COL4A5: variants seen among roughly 807,000 people sequenced by gnomAD.
COL4A5 encodes collagen alpha-5(IV) chain.
In COL4A5, 26 loss-of-function variants were observed where a neutral mutation model predicts 130.2. The ratio of observed to expected loss-of-function variants is 0.20; its 90% CI spans 0.15 to 0.28. COL4A5 has a LOEUF of 0.28. Ranked by LOEUF, COL4A5 falls within the 10% of genes least tolerant of loss-of-function variation. COL4A5 has a pLI of 1.00. For missense variants in COL4A5, 1,131 were observed against 1,344.3 expected, an observed-to-expected ratio of 0.84 and a Z score of 2.48; for synonymous variants, 496 against 439.6, an observed-to-expected ratio of 1.13 and a Z score of -1.60.
intron 6 of COL4A5, 183 bp downstream of exon 6, chrX:108,569,004 G>T (rs755372293): frequency 6.5e-4 from 276 of 425,023 alleles, no homozygotes; most frequent in African/African-American, 6.3e-3. Context: ...CATTAAACAT[G>T]TATAATTAGC....
At chrX:108,626,881 A>G in intron 36 of COL4A5, 1 of 767,341 alleles carries the variant, frequency 1.3e-6, no homozygotes, top group South Asian at 6.3e-5. Context: ...ATTGGACTCA[A>G]CAGGAATTTA....
intron 1 of COL4A5, among the ~76,000 whole-genome samples, chrX:108,481,617 C>A (rs2064893195): frequency 8.9e-6 from 1 of 111,850 alleles, no homozygotes; most frequent in Admixed American, 9.4e-5. Context: ...ATGCTGATTG[C>A]TGCTTCGCTT....
chrX:108,682,034 C>T, intron 47 of COL4A5, 146 bp downstream of exon 47: 1 of 563,703 alleles, frequency 1.8e-6, no homozygotes, highest in Non-Finnish European at 2.9e-6. Context: ...TTAGATATTT[C>T]TCCTAATGCT....
At chrX:108,578,264 C>T in intron 12 of COL4A5, 27 bp from the exon 13 acceptor site, 1 of 1,174,774 alleles carries the variant, frequency 8.5e-7, no homozygotes. Context: ...GAAGTATCAC[C>T]ACTGTCTTAT....
intron 1 of COL4A5, among the ~76,000 whole-genome samples, chrX:108,468,106 A>G (rs2064726286): frequency 8.9e-6 from 1 of 111,782 alleles, no homozygotes; most frequent in South Asian, 3.7e-4. Context: ...ATTTTATACT[A>G]TATTTTAAAT....
At chrX:108,584,627 A>C in intron 18 of COL4A5, 102 bp downstream of exon 18, 1 of 697,726 alleles carries the variant, frequency 1.4e-6, no homozygotes, top group Non-Finnish European at 2.2e-6. Flanking sequence ...TAGAACACAA[A>C]ATTTCAAGTC....
At chrX:108,689,973 C>A in intron 49 of COL4A5, 2 of 752,740 alleles carry the variant, frequency 2.7e-6, no homozygotes, top group Non-Finnish European at 3.1e-6. Flanking sequence ...ACTCCAGATA[C>A]TTCCATCATT....
intron 1 of COL4A5, among the ~76,000 whole-genome samples, chrX:108,475,806 T>C (rs2064827191): frequency 8.9e-6 from 1 of 111,915 alleles, no homozygotes; most frequent in African/African-American, 3.2e-5. Context: ...ATAGTCTTGA[T>C]CCAACCTTAG....
chrX:108,680,940 A>G lies in COL4A5; in HGVS notation c.4071A>G (p.Gly1357=), dbSNP rs766806328. The G allele has an allele frequency of 8.3e-7, 1 of 1,207,987 alleles. No homozygotes were observed. Among genetic ancestry groups the G allele is most frequent in the East Asian group, 3.0e-5 (1 of 33,787 alleles). Residue 1357 remains glycine (G), a synonymous_variant, in exon 46 of 53, where the codon GGA becomes GGG. Coordinates refer to ENST00000328300, the MANE Select transcript of COL4A5 (RefSeq NM_033380.3). ...CAGCTGGCCCTGAGGGGGAACCGGGACTTATTGGTCCTCCAGGTAAGACTT... is the reference window on the plus strand; with the variant it reads ...CAGCTGGCCCTGAGGGGGAACCGGGGCTTATTGGTCCTCCAGGTAAGACTT... The part of the protein sequence containing the change: ...PGSAGPEGEP[G]LIGPPGPPGL...
intron 1 of COL4A5, among the ~76,000 whole-genome samples, chrX:108,451,014 T>G (rs1395576025): frequency 7.2e-5 from 7 of 97,477 alleles, no homozygotes; most frequent in African/African-American, 2.7e-4. Flanking sequence ...CCCTCAACAG[T>G]CCCCAGAGTG....
intron 16 of COL4A5, 66 bp from the exon 17 acceptor site, chrX:108,582,818 C>A: frequency 1.1e-6 from 1 of 909,800 alleles, no homozygotes; most frequent in Non-Finnish European, 1.6e-6. Context: ...ATGGAGAAGA[C>A]AATCTTTGGA....
In COL4A5 at chrX:108,681,085, G is replaced by A. The variant is rs1432092279; in HGVS notation, c.4087+129G>A. ...CCAACAACTGAGGCAAAATAAACAAGGCTCTGCCTTTATTTACTAATCTCT... is the reference window on the plus strand; with the variant it reads ...CCAACAACTGAGGCAAAATAAACAAAGCTCTGCCTTTATTTACTAATCTCT... On this transcript the variant is annotated intron_variant, in intron 46 of 52. Transcript: ENST00000328300. 1.1e-5 allele frequency: 6 copies of A among 530,388 alleles called. No individual in the cohort carries two copies. In the East Asian group the frequency reaches 1.8e-4, roughly 16 times the overall value. 43.7% of individuals were successfully genotyped at this position (530,388 alleles called of 1,213,427 possible). A position where few individuals can be genotyped will look rare whatever the true frequency, so the allele number is the denominator to read the frequency against.
intron 27 of COL4A5, 25 bp from the exon 28 acceptor site, chrX:108,602,939 T>TA (rs1386688866): frequency 1.9e-6 from 2 of 1,074,998 alleles, no homozygotes; most frequent in Non-Finnish European, 2.5e-6. Context: ...CTTTGGTGGT[T>TA]AAAAAATGAC....
At chrX:108,663,415 A>C (rs1330178673) in intron 37 of COL4A5, among the ~76,000 whole-genome samples, 1 of 112,064 alleles carries the variant, frequency 8.9e-6, no homozygotes, top group African/African-American at 3.2e-5. Flanking sequence ...GATAGATCAT[A>C]CTTATGGAAT....
At chrX:108,545,960 G>T (rs954131092) in intron 2 of COL4A5, among the ~76,000 whole-genome samples, 14 of 111,023 alleles carry the variant, frequency 1.3e-4, no homozygotes, top group African/African-American at 4.6e-4. Context: ...CCATTTGCTT[G>T]GAAGATCTTC....
intron 1 of COL4A5, among the ~76,000 whole-genome samples, chrX:108,473,605 A>G (rs1249721399): frequency 2.2e-5 from 1 of 46,337 alleles, no homozygotes; most frequent in Admixed American, 1.8e-4. Flanking sequence ...TTATATATAT[A>G]TATATATGTA....
intron 36 of COL4A5, among the ~76,000 whole-genome samples, chrX:108,629,860 C>T (rs892086478): frequency 9.1e-6 from 1 of 110,070 alleles, no homozygotes; most frequent in Non-Finnish European, 1.9e-5. Context: ...GCCCTGTGTC[C>T]AAGTGTTCTC....
intron 1 of COL4A5, among the ~76,000 whole-genome samples, chrX:108,459,127 G>A (rs1428355398): frequency 1.8e-5 from 2 of 111,035 alleles, no homozygotes; most frequent in Non-Finnish European, 3.8e-5. Context: ...TCAATTGTTT[G>A]TTGTTGGTAT....
At chrX:108,646,993 A>G (rs2067606476) in intron 36 of COL4A5, among the ~76,000 whole-genome samples, 1 of 110,584 alleles carries the variant, frequency 9.0e-6, no homozygotes, top group Admixed American at 9.6e-5. Flanking sequence ...GCCTTGTAGT[A>G]TAGTTTGAAG....
Sources: gnomAD v4.1 joint callset for allele counts (sites outside exome capture counted in the v4.1 genomes callset) on GRCh38, gnomAD v4.1.1 for gene constraint, MANE v1.5 for transcripts, NCBI Gene and HGNC (gene_info 2026-07-23, HGNC 2026-07-21) for gene names.